The following MAB21L3 variants were observed in gnomAD, a reference collection of about 807,000 sequenced individuals.
MAB21L3 encodes protein mab-21-like 3.
Under a neutral mutation model 37.7 loss-of-function variants are expected in MAB21L3, and 36 were observed. The observed-to-expected ratio is 0.96, with a 90% CI of 0.73 to 1.26. The LOEUF is 1.26. Among genes scored for constraint, MAB21L3 ranks in the 50% most tolerant of loss-of-function variants. The pLI, the probability that MAB21L3 is intolerant of heterozygous loss-of-function variation, is 0.00. For synonymous variants in MAB21L3, 186 were observed against 176.8 expected (o/e 1.05, Z -0.41); for missense variants, 430 against 447.3 (o/e 0.96, Z 0.35).
At chr1:116,117,162 C>CATAT (rs35799148) in intron 3 of MAB21L3, among the ~76,000 whole-genome samples, 7,778 of 114,276 alleles carry the variant, frequency 0.068, 390 homozygotes, top group East Asian at 0.16. Flanking sequence ...AATATACATA[C>CATAT]ATATATATAT....
Position 116,121,517 on chromosome 1 carries a change from G to A in MAB21L3, c.189+445G>A, listed in dbSNP as rs920120766. ...GGCTTTTGATTCCAAAGCACATTCC[G>A]CTGTCACAATCAAAGCTCAGTTAAA... On this transcript the variant is annotated intron_variant, in intron 4 of 7. Transcript: ENST00000369500. Among the ~76,000 whole-genome samples, 7 of 152,110 alleles carry A rather than the reference G, an allele frequency of 4.6e-5. No homozygotes were observed. In the East Asian group the frequency reaches 5.8e-4, roughly 13 times the overall value.
chr1:116,131,139 C>T (rs1660056250), intron 7 of MAB21L3, among the ~76,000 whole-genome samples: 1 of 152,190 alleles, frequency 6.6e-6, no homozygotes, highest in African/African-American at 2.4e-5. Flanking sequence ...TCACTGCTCT[C>T]ATAAAGTTTA....
chr1:116,115,857 A>T (rs72998772), intron 3 of MAB21L3, among the ~76,000 whole-genome samples: 20,270 of 152,198 alleles, frequency 0.13, 1,799 homozygotes, highest in African/African-American at 0.24. Flanking sequence ...AGATGGGACA[A>T]GGACCTTGAC....
Position 116,127,647 on chromosome 1 carries a change from A to G in MAB21L3, c.660+3A>G. 2 of 1,609,786 alleles carry G rather than the reference A, an allele frequency of 1.2e-6. No individual in the cohort carries two copies. The highest frequency in any genetic ancestry group is 1.7e-6 in the Non-Finnish European group (2 of 1,178,118). On this transcript the variant is annotated splice_donor_region_variant and intron_variant, in intron 6 of 7. Transcript: ENST00000369500. ...AAGAGAGAGTGGAGTGCATCAAGGT[A>G]TCAGTGGGCGGGACCCAGCTTGCCA...
intron 3 of MAB21L3, among the ~76,000 whole-genome samples, chr1:116,118,230 A>T (rs1952315): frequency 0.17 from 25,820 of 151,902 alleles, 2,368 homozygotes; most frequent in African/African-American, 0.24. Flanking sequence ...AAAAATACAA[A>T]AATTAGCCAG....
At position 116,130,275 on chromosome 1, in the gene MAB21L3, A is replaced by G. The variant is rs190908386; in HGVS notation, c.855+1936A>G. On this transcript the variant is annotated intron_variant, in intron 7 of 7. Transcript: ENST00000369500. ...GCTGACTTCTATTCTGATGGCTCCT[A>G]AGTCACCTGGTGGATTTTAAGGCAA... Among the ~76,000 whole-genome samples the G allele has an allele frequency of 7.2e-4, 109 of 152,310 alleles. 1 individual carries two copies. In the East Asian group the frequency reaches 0.017, roughly 24 times the overall value.
At chr1:116,119,186 A>C (rs1180428419) in intron 3 of MAB21L3, among the ~76,000 whole-genome samples, 3 of 152,222 alleles carry the variant, frequency 2.0e-5, no homozygotes, top group Non-Finnish European at 4.4e-5. Flanking sequence ...TTCTGTGCTT[A>C]CATTTGTCTT....
intron 3 of MAB21L3, among the ~76,000 whole-genome samples, chr1:116,120,426 CACACAA>C (rs1182828455): frequency 8.3e-6 from 1 of 120,462 alleles, no homozygotes; most frequent in South Asian, 2.3e-4. Context: ...CACACACACA[CACACAA>C]ACACACACAC....
intron 4 of MAB21L3, among the ~76,000 whole-genome samples, chr1:116,121,551 C>G (rs1659749615): frequency 6.6e-6 from 1 of 151,788 alleles, no homozygotes; most frequent in Non-Finnish European, 1.5e-5. Flanking sequence ...AATACACATT[C>G]ATTTATTAAG....
At chr1:116,124,874 CACACACACACACACAT>C (rs903951164) in intron 5 of MAB21L3, among the ~76,000 whole-genome samples, 2 of 140,084 alleles carry the variant, frequency 1.4e-5, no homozygotes, top group Admixed American at 7.0e-5. Context: ...TATGCATACA[CACACACACACACACAT>C]ACACACACAC....
In MAB21L3 at chr1:116,136,263, A is replaced by T. The variant is rs910445314; in HGVS notation, c.*2898A>T. 2.0e-5 allele frequency among the ~76,000 whole-genome samples: 3 copies of T among 152,098 alleles called. No individual in the cohort carries two copies. The highest frequency in any genetic ancestry group is 2.0e-4 in the Admixed American group (3 of 15,274). ...CAGCCCAAAATCTCCTTAAGCTGAT[A>T]AGCAACTTCAGCAAAGTCTCAGGAT... On this transcript the variant is annotated 3_prime_UTR_variant, in exon 8 of 8. Coordinates refer to ENST00000369500, the MANE Select transcript of MAB21L3 (RefSeq NM_152367.3).
chr1:116,127,568 C>G lies in MAB21L3; in HGVS notation c.584C>G (p.Thr195Ser). The G allele has an allele frequency of 6.2e-7, 1 of 1,614,196 alleles. No individual in the cohort carries two copies. Among genetic ancestry groups the G allele is most frequent in the Non-Finnish European group, 8.5e-7 (1 of 1,180,038 alleles). Residue 195 changes from threonine to serine, a missense_variant, in exon 6 of 8, where the codon ACC (threonine) becomes AGC (serine). Transcript: ENST00000369500. ...CTGGTCCCCGCAGTGGAGATCCCCA[C>G]CACCTGGTCCAAGAAAGCCCGGTGG... ...LELVPAVEIP[T>S]TWSKKARWPR...
At chr1:116,122,688 G>A (rs556444776) in intron 4 of MAB21L3, among the ~76,000 whole-genome samples, 41 of 152,322 alleles carry the variant, frequency 2.7e-4, no homozygotes, top group Middle Eastern at 3.4e-3. Context: ...AGCCACCTGA[G>A]CAGCTGGGAC....
At chr1:116,113,018 A>G (rs1030532218) in intron 3 of MAB21L3, among the ~76,000 whole-genome samples, 22 of 152,150 alleles carry the variant, frequency 1.4e-4, no homozygotes, top group African/African-American at 5.1e-4. Context: ...TAGGAGCTTC[A>G]TGGGGTAATG....
Position 116,133,549 on chromosome 1 carries a change from G to T in MAB21L3, c.*184G>T. The T allele has an allele frequency of 1.6e-6, 1 of 622,554 alleles. No homozygotes were observed. The highest frequency in any genetic ancestry group is 2.8e-6 in the Non-Finnish European group (1 of 356,588). The allele number at this position is 622,554 out of a possible 1,614,324, so 38.6% of individuals were successfully genotyped here. ...CTGTGCCCCAGGATGTCTGGCCCAG[G>T]CCTCCCTGGAGCCCAGCAAGCATTT... On this transcript the variant is annotated 3_prime_UTR_variant, in exon 8 of 8. Coordinates refer to ENST00000369500, the MANE Select transcript of MAB21L3 (RefSeq NM_152367.3).
rs1482169807 is a variant in MAB21L3, at chr1:116,120,446, CACAT to C, written c.49-484_49-481del. Among the ~76,000 whole-genome samples, 164 of 140,006 alleles carry C rather than the reference CACAT, an allele frequency of 1.2e-3. 2 individuals are homozygous for C. Among genetic ancestry groups the C allele is most frequent in the African/African-American group, 5.2e-3 (163 of 31,344 alleles). The allele number at this position is 140,006 out of a possible 152,430, so 91.8% of individuals were successfully genotyped here. A position where few individuals can be genotyped will look rare whatever the true frequency, so the allele number is the denominator to read the frequency against. ...ACACACACACAAACACACACACACA[CACAT>C]ATATATATACAGGAATACATATATA... On this transcript the variant is annotated intron_variant, in intron 3 of 7. Coordinates refer to ENST00000369500, the MANE Select transcript of MAB21L3 (RefSeq NM_152367.3).
intron 3 of MAB21L3, among the ~76,000 whole-genome samples, chr1:116,118,969 G>T (rs1486580614): frequency 6.6e-6 from 1 of 151,610 alleles, no homozygotes; most frequent in Non-Finnish European, 1.5e-5. Flanking sequence ...CATCTGTCTT[G>T]CTTTGTCAAG....
intron 3 of MAB21L3, among the ~76,000 whole-genome samples, chr1:116,119,074 A>T (rs1238985868): frequency 1.3e-5 from 2 of 152,264 alleles, no homozygotes; most frequent in Non-Finnish European, 2.9e-5. Context: ...ATCACAACAC[A>T]GATGGGAAGT....
intron 3 of MAB21L3, among the ~76,000 whole-genome samples, chr1:116,113,809 G>A (rs1659496197): frequency 6.6e-6 from 1 of 152,162 alleles, no homozygotes; most frequent in Admixed American, 6.5e-5. Flanking sequence ...GTGTGCTGGG[G>A]CTGAGTGTTT....
Sources: gnomAD v4.1 joint callset for allele counts (sites outside exome capture counted in the v4.1 genomes callset) on GRCh38, gnomAD v4.1.1 for gene constraint, MANE v1.5 for transcripts, NCBI Gene and HGNC (gene_info 2026-07-23, HGNC 2026-07-21) for gene names.